SETD5: variants seen among roughly 807,000 people sequenced by gnomAD.
SETD5 encodes histone-lysine N-methyltransferase SETD5.
A neutral mutation model predicts 153.3 loss-of-function variants in SETD5; 44 were observed. The observed-to-expected ratio is 0.29, with a 90% CI of 0.23 to 0.37. The LOEUF (loss-of-function observed/expected upper bound fraction) is 0.37, where lower values mean the gene tolerates loss of function less well. Among genes scored for constraint, SETD5 ranks in the 10% least tolerant of loss-of-function variants. The pLI is 1.00. For synonymous variants in SETD5, 716 were observed against 645.2 expected (o/e 1.11, Z -1.66); for missense variants, 1,544 against 1,768.0 (o/e 0.87, Z 2.27).
At chr3:9,452,038 G>A (rs1272362370) in intron 16 of SETD5, among the ~76,000 whole-genome samples, 1 of 152,126 alleles carries the variant, frequency 6.6e-6, no homozygotes, top group Non-Finnish European at 1.5e-5. Context: ...CTGAAATATT[G>A]TAAAATTATA....
At chr3:9,404,714 A>G (rs534201308) in intron 1 of SETD5, among the ~76,000 whole-genome samples, 142 of 152,332 alleles carry the variant, frequency 9.3e-4, no homozygotes, top group African/African-American at 3.4e-3. Flanking sequence ...AAATCTCTTC[A>G]GGGTAGCTTC....
At chr3:9,452,949 C>G (rs1306622337) in intron 16 of SETD5, among the ~76,000 whole-genome samples, 4 of 152,078 alleles carry the variant, frequency 2.6e-5, no homozygotes, top group African/African-American at 9.7e-5. Flanking sequence ...AACACAATTA[C>G]AGGTAAGAAA....
At chr3:9,416,644 T>C (rs947843960) in intron 1 of SETD5, among the ~76,000 whole-genome samples, 4 of 152,224 alleles carry the variant, frequency 2.6e-5, no homozygotes, top group Non-Finnish European at 4.4e-5. Context: ...TCATTGGAAC[T>C]TTTGCTAAAG....
intron 1 of SETD5, among the ~76,000 whole-genome samples, chr3:9,411,157 C>T (rs149343873): frequency 9.6e-4 from 146 of 152,240 alleles, no homozygotes; most frequent in Non-Finnish European, 1.9e-3. Flanking sequence ...AATTCTCTCT[C>T]TTGAAATGCC....
chr3:9,476,273 G>A lies in SETD5; in HGVS notation c.*182G>A, dbSNP rs2045846840. 3 of 778,460 alleles carry A rather than the reference G, an allele frequency of 3.9e-6. No individual in the cohort carries two copies. The highest frequency in any genetic ancestry group is 6.0e-6 in the Non-Finnish European group (3 of 504,054). 48.2% of individuals were successfully genotyped at this position (778,460 alleles called of 1,614,324 possible). A position where few individuals can be genotyped will look rare whatever the true frequency, so the allele number is the denominator to read the frequency against. ...TTGGCCTCTGGCCTTGGAGAAAGCT[G>A]TAAATCTTGTCTGAAGCAGAGACTA... On this transcript the variant is annotated 3_prime_UTR_variant, in exon 23 of 23. Coordinates refer to ENST00000402198, the MANE Select transcript of SETD5 (RefSeq NM_001080517.3).
chr3:9,427,970 C>T (rs985842945), intron 2 of SETD5, among the ~76,000 whole-genome samples: 3 of 152,262 alleles, frequency 2.0e-5, no homozygotes, highest in Non-Finnish European at 2.9e-5. Flanking sequence ...CTATCCTCAC[C>T]GCTTTTTCAT....
chr3:9,428,500 A>G (rs896301293), intron 2 of SETD5, among the ~76,000 whole-genome samples: 13 of 152,214 alleles, frequency 8.5e-5, no homozygotes, highest in Non-Finnish European at 1.6e-4. Context: ...CTTGTTTGCT[A>G]TATCCTAGGC....
chr3:9,428,854 G>A lies in SETD5; in HGVS notation c.-85G>A. 1 of 855,224 alleles carries A rather than the reference G, an allele frequency of 1.2e-6. No homozygotes were observed. The allele number at this position is 855,224 out of a possible 1,614,324, so 53.0% of individuals were successfully genotyped here. ...TCATGTCCATAACATGTTGGATGAG[G>A]CTCTGCAGCTCACCCCCACTCTCAG... On this transcript the variant is annotated 5_prime_UTR_variant, in exon 3 of 23. Coordinates refer to ENST00000402198, the MANE Select transcript of SETD5 (RefSeq NM_001080517.3).
intron 17 of SETD5, among the ~76,000 whole-genome samples, chr3:9,458,081 TA>T (rs906840769): frequency 2.6e-5 from 4 of 152,124 alleles, no homozygotes; most frequent in Admixed American, 6.5e-5. Flanking sequence ...AATATAAATG[TA>T]AAAGTTGGTA....
intron 1 of SETD5, among the ~76,000 whole-genome samples, chr3:9,407,041 T>TAGCC (rs1288883654): frequency 5.3e-5 from 8 of 152,200 alleles, no homozygotes; most frequent in Non-Finnish European, 7.3e-5. Context: ...GAAGTTGCTG[T>TAGCC]AGCCAGCCAG....
chr3:9,476,325 G>A lies in SETD5; in HGVS notation c.*234G>A. 1.8e-6 allele frequency: 1 copy of A among 546,402 alleles called. No homozygotes were observed. The highest frequency in any genetic ancestry group is 3.2e-6 in the Non-Finnish European group (1 of 312,524). 33.8% of individuals were successfully genotyped at this position (546,402 alleles called of 1,614,324 possible). On this transcript the variant is annotated 3_prime_UTR_variant, in exon 23 of 23. Coordinates refer to ENST00000402198, the MANE Select transcript of SETD5 (RefSeq NM_001080517.3). ...AAAGAAGTTTCTCCCTGCTGTCAAG[G>A]GTACATTGTTGACAAGCAAATGGTG...
At chr3:9,417,720 C>A (rs1206484156) in intron 1 of SETD5, among the ~76,000 whole-genome samples, 1 of 151,026 alleles carries the variant, frequency 6.6e-6, no homozygotes, top group Non-Finnish European at 1.5e-5. Context: ...CTCCTGACCT[C>A]GTGATCCGCC....
chr3:9,437,520 TAC>T (rs1559407569), intron 7 of SETD5, among the ~76,000 whole-genome samples: 1 of 146,044 alleles, frequency 6.8e-6, no homozygotes, highest in African/African-American at 2.5e-5. Context: ...TATCCTCCTT[TAC>T]GTGTGTGTGT....
At chr3:9,428,243 A>T (rs1172129045) in intron 2 of SETD5, among the ~76,000 whole-genome samples, 1 of 152,216 alleles carries the variant, frequency 6.6e-6, no homozygotes, top group Non-Finnish European at 1.5e-5. Context: ...TCCCAAAATT[A>T]TAGTTAAGAT....
At chr3:9,430,426 C>A (rs1321081150) in intron 3 of SETD5, 1 of 822,494 alleles carries the variant, frequency 1.2e-6, no homozygotes, top group Admixed American at 6.2e-5. Context: ...GAGCTTTTTT[C>A]TTCTTTTGTT....
At chr3:9,469,297 T>G (rs2045021284) in intron 18 of SETD5, among the ~76,000 whole-genome samples, 1 of 152,218 alleles carries the variant, frequency 6.6e-6, no homozygotes, top group Admixed American at 6.5e-5. Context: ...AACTCAGATT[T>G]TAGTGCTAGA....
chr3:9,433,929 G>A lies in SETD5; in HGVS notation c.156G>A (p.Gly52=). 2 of 1,613,926 alleles carry A rather than the reference G, an allele frequency of 1.2e-6. No homozygotes were observed. Among genetic ancestry groups the A allele is most frequent in the African/African-American group, 2.7e-5 (2 of 75,018 alleles). ...ATTATGGGACCACTCAGAGGCATGG[G>A]TGTCGAGGACTGCCTTATGCTGTGA... ...THNYGTTQRH[G]CRGLPYATII... is the part of the protein sequence containing the mutation. The change falls in exon 4 of 23, where the codon GGG becomes GGA. Residue 52 remains glycine, a synonymous_variant. Transcript: ENST00000402198.
At chr3:9,468,792 G>GTGTT (rs1292844336) in intron 18 of SETD5, among the ~76,000 whole-genome samples, 1 of 151,988 alleles carries the variant, frequency 6.6e-6, no homozygotes, top group Non-Finnish European at 1.5e-5. Flanking sequence ...AGGAGCGTGT[G>GTGTT]TGTTTGTGTG....
At chr3:9,431,775 C>T (rs1428652444) in intron 3 of SETD5, 1 of 944,332 alleles carries the variant, frequency 1.1e-6, no homozygotes, top group African/African-American at 1.8e-5. Flanking sequence ...ACCAGCATAG[C>T]TCCATCTCCA....
Sources: gnomAD v4.1 joint callset for allele counts (sites outside exome capture counted in the v4.1 genomes callset) on GRCh38, gnomAD v4.1.1 for gene constraint, MANE v1.5 for transcripts, NCBI Gene and HGNC (gene_info 2026-07-23, HGNC 2026-07-21) for gene names.